The following SYN3 variants were observed in gnomAD, a reference collection of about 807,000 sequenced individuals.
SYN3 encodes synapsin-3.
SYN3 carries 35 observed loss-of-function variants against 65.8 expected under a neutral mutation model. The observed-to-expected ratio is 0.53, with a 90% CI of 0.41 to 0.70. SYN3 has a LOEUF of 0.70. SYN3 is among the 30% of genes least tolerant of loss of function. The pLI is 0.00. For synonymous variants in SYN3, 270 were observed against 292.9 expected (o/e 0.92, Z 0.80); for missense variants, 680 against 749.0 (o/e 0.91, Z 1.08).
chr22:32,871,579 G>A (rs1032565276), intron 4 of SYN3, among the ~76,000 whole-genome samples: 17 of 152,016 alleles, frequency 1.1e-4, no homozygotes, highest in Admixed American at 7.9e-4. Flanking sequence ...TGGGTTGCCT[G>A]CCACTCCATC....
intron 6 of SYN3, among the ~76,000 whole-genome samples, chr22:32,748,931 T>C (rs1427214341): frequency 6.6e-6 from 1 of 152,168 alleles, no homozygotes; most frequent in Non-Finnish European, 1.5e-5. Context: ...GGGTTCTGTT[T>C]CCTGGGTTTC....
intron 2 of SYN3, among the ~76,000 whole-genome samples, chr22:32,991,581 T>G (rs1257031576): frequency 6.6e-6 from 1 of 152,096 alleles, no homozygotes; most frequent in Non-Finnish European, 1.5e-5. Flanking sequence ...GTGGCAGATA[T>G]CATCTGTCAT....
At chr22:32,707,423 C>G (rs541973001) in intron 6 of SYN3, among the ~76,000 whole-genome samples, 167 of 152,202 alleles carry the variant, frequency 1.1e-3, no homozygotes, top group Non-Finnish European at 1.9e-3. Context: ...TGGGCCTCAG[C>G]CTTTCTTTTC....
chr22:32,829,942 C>T (rs2047525159), intron 6 of SYN3, among the ~76,000 whole-genome samples: 2 of 152,214 alleles, frequency 1.3e-5, no homozygotes, highest in African/African-American at 2.4e-5. Flanking sequence ...CTCTTCCTGC[C>T]TCTTGCTGGG....
At chr22:32,688,693 C>G (rs1410432357) in intron 6 of SYN3, among the ~76,000 whole-genome samples, 1 of 142,366 alleles carries the variant, frequency 7.0e-6, no homozygotes, top group African/African-American at 2.7e-5. Flanking sequence ...AGAGCCTTGT[C>G]CTCCACCACT....
intron 4 of SYN3, among the ~76,000 whole-genome samples, chr22:32,890,989 C>A (rs2049430163): frequency 6.6e-6 from 1 of 152,150 alleles, no homozygotes; most frequent in South Asian, 2.1e-4. Context: ...GAAGCACTTG[C>A]TGGACTCTGG....
At position 32,888,401 on chromosome 22, in the gene SYN3, C is replaced by A. The variant is rs150841964; in HGVS notation, c.462-19276G>T. Among the ~76,000 whole-genome samples the A allele has an allele frequency of 3.0e-3, 453 of 152,208 alleles. 3 individuals carry two copies. The highest frequency in any genetic ancestry group is 0.01 in the African/African-American group (435 of 41,548). ...GATCATATAGTGCCTATATATGTAA[C>A]TTTATAAGAAACTGCCAAACTATTT... On this transcript the variant is annotated intron_variant, in intron 4 of 13. Transcript: ENST00000358763.
At chr22:32,769,572 A>G (rs1292119596) in intron 6 of SYN3, among the ~76,000 whole-genome samples, 2 of 148,836 alleles carry the variant, frequency 1.3e-5, no homozygotes, top group East Asian at 2.0e-4. Flanking sequence ...GCTGGAGTAC[A>G]GTGGCGCGAT....
rs116722767 is a variant in SYN3 at position 32,751,263 on chromosome 22, A to C, written c.711+113652T>G. 9.1e-3 allele frequency among the ~76,000 whole-genome samples: 1,393 copies of C among 152,288 alleles called. 25 individuals carry two copies. Among genetic ancestry groups the C allele is most frequent in the African/African-American group, 0.032 (1,350 of 41,558 alleles). On this transcript the variant is annotated intron_variant, in intron 6 of 13. Coordinates refer to ENST00000358763, the MANE Select transcript of SYN3 (RefSeq NM_003490.4). ...GGTAAGATGGAGCAGTGACCTTTAG[A>C]GGTCACTGACCTTAGCAGGCGCAAT...
At chr22:32,721,225 T>TG (rs1246926468) in intron 6 of SYN3, among the ~76,000 whole-genome samples, 1 of 152,196 alleles carries the variant, frequency 6.6e-6, no homozygotes, top group African/African-American at 2.4e-5. Flanking sequence ...GGCAGGCAGC[T>TG]GCTGCTGCCA....
intron 2 of SYN3, among the ~76,000 whole-genome samples, chr22:32,993,548 A>G (rs577579032): frequency 2.0e-5 from 3 of 152,162 alleles, no homozygotes; most frequent in Non-Finnish European, 4.4e-5. Flanking sequence ...GTTTCACCAT[A>G]TTGGCCAGGC....
chr22:32,763,864 T>C (rs1360065455), intron 6 of SYN3, among the ~76,000 whole-genome samples: 2 of 151,620 alleles, frequency 1.3e-5, no homozygotes, highest in Admixed American at 6.6e-5. Flanking sequence ...GCTGAGATAG[T>C]AGGGGGAGGA....
chr22:32,540,502 T>G (rs1162341150), intron 8 of SYN3, among the ~76,000 whole-genome samples: 1 of 152,190 alleles, frequency 6.6e-6, no homozygotes, highest in African/African-American at 2.4e-5. Context: ...GTCTCATCAT[T>G]TCAAGTGGAA....
intron 12 of SYN3, among the ~76,000 whole-genome samples, chr22:32,519,024 C>CA (rs2057828802): frequency 6.6e-6 from 1 of 152,164 alleles, no homozygotes; most frequent in Admixed American, 6.5e-5. Context: ...CGAGGATACA[C>CA]AAAGAAGGCT....
intron 6 of SYN3, among the ~76,000 whole-genome samples, chr22:32,796,058 C>CA (rs1467178501): frequency 1.3e-5 from 2 of 152,140 alleles, no homozygotes; most frequent in Non-Finnish European, 2.9e-5. Flanking sequence ...AAAGAAACCA[C>CA]AAAGGAGCTA....
chr22:32,731,641 C>T (rs2061271687), intron 6 of SYN3, among the ~76,000 whole-genome samples: 2 of 152,170 alleles, frequency 1.3e-5, no homozygotes, highest in Non-Finnish European at 2.9e-5. Flanking sequence ...TGCTCCCCAG[C>T]CTGTAGCCCA....
At chr22:32,706,541 T>C (rs1227442080) in intron 6 of SYN3, among the ~76,000 whole-genome samples, 1 of 152,234 alleles carries the variant, frequency 6.6e-6, no homozygotes. Context: ...ACCAGTAGAT[T>C]TGCCCTAAAA....
intron 2 of SYN3, among the ~76,000 whole-genome samples, chr22:32,985,936 G>A (rs942524727): frequency 1.3e-5 from 2 of 152,012 alleles, no homozygotes; most frequent in African/African-American, 4.8e-5. Context: ...GCTGGGCTGA[G>A]CGTCCTCCCT....
At chr22:32,962,664 G>T (rs2051692224) in intron 3 of SYN3, among the ~76,000 whole-genome samples, 1 of 152,106 alleles carries the variant, frequency 6.6e-6, no homozygotes, top group Non-Finnish European at 1.5e-5. Context: ...TCAAATCCTG[G>T]CTCTGCCAAT....
Sources: gnomAD v4.1 joint callset for allele counts (sites outside exome capture counted in the v4.1 genomes callset) on GRCh38, gnomAD v4.1.1 for gene constraint, MANE v1.5 for transcripts, NCBI Gene and HGNC (gene_info 2026-07-23, HGNC 2026-07-21) for gene names.